NEB: variants seen among roughly 807,000 people sequenced by gnomAD.
The protein encoded by NEB is nebulin, also known as nemaline myopathy type 2.
NEB carries 512 observed loss-of-function variants against 952.2 expected under a neutral mutation model. The ratio of observed to expected loss-of-function variants is 0.54; its 90% CI spans 0.50 to 0.58. The LOEUF is 0.58. Ranked by LOEUF, NEB falls within the 20% of genes least tolerant of loss-of-function variation. NEB has a pLI of 0.00. For missense variants in NEB, 8,428 were observed against 9,231.1 expected (o/e 0.91, Z 3.56); for synonymous variants, 2,900 against 3,149.8 (o/e 0.92, Z 2.66).
At position 151,619,612 on chromosome 2, in the gene NEB, T is replaced by C. The variant is rs2098333661; in HGVS notation, c.10711A>G (p.Arg3571Gly). The C allele has an allele frequency of 1.9e-6, 3 of 1,613,984 alleles. No homozygotes were observed. The South Asian group carries it at 3.3e-5, about 18-fold the overall frequency. ...YKKDFEKYKT[R>G]YSSPVDMLGI... ...AGCATGTCCACTGGGCTGCTGTACC[T>C]TGTCTTGTATTTCTCAAAATCTTTC... Residue 3571 changes from arginine to glycine, a missense_variant, in exon 73 of 182, where the codon AGG (arginine) becomes GGG (glycine). By Grantham distance (125) the Arg-to-Gly change is moderately radical. Transcript: ENST00000397345.
intron 9 of NEB, among the ~76,000 whole-genome samples, chr2:151,720,416 T>C (rs2099771050): frequency 6.6e-6 from 1 of 152,210 alleles, no homozygotes; most frequent in African/African-American, 2.4e-5. Flanking sequence ...AATAGGCATG[T>C]CAATAATCTG....
At chr2:151,489,605 T>C (rs2054401592) in intron 181 of NEB, among the ~76,000 whole-genome samples, 1 of 152,072 alleles carries the variant, frequency 6.6e-6, no homozygotes, top group Non-Finnish European at 1.5e-5. Context: ...CTATGTTGCC[T>C]AGGCTGGTCT....
intron 108 of NEB, 26 bp downstream of exon 108, chr2:151,570,471 C>A (rs1313194178): frequency 6.4e-7 from 1 of 1,568,540 alleles, no homozygotes. Context: ...AAAAAAAAAA[C>A]TGAGAAGTTA....
intron 20 of NEB, among the ~76,000 whole-genome samples, chr2:151,693,010 T>C (rs1189894248): frequency 6.6e-6 from 1 of 152,120 alleles, no homozygotes; most frequent in African/African-American, 2.4e-5. Flanking sequence ...TAAGAATTGA[T>C]GCAAAATGAG....
intron 167 of NEB, among the ~76,000 whole-genome samples, chr2:151,502,545 GA>G (rs2065527288): frequency 6.6e-6 from 1 of 152,196 alleles, no homozygotes; most frequent in Non-Finnish European, 1.5e-5. Flanking sequence ...GTTATTAAAG[GA>G]GGAATGGAGG....
Position 151,530,414 on chromosome 2 carries a change from C to T in NEB, c.21630+580G>A, listed in dbSNP as rs74429765. ...CCTCGATCTGGGCTTTTTCATTAATCGTTGGGGAAGGATCCTAGGTTTTAA... is the reference window on the plus strand; with the variant it reads ...CCTCGATCTGGGCTTTTTCATTAATTGTTGGGGAAGGATCCTAGGTTTTAA... On this transcript the variant is annotated intron_variant, in intron 145 of 181. Coordinates refer to ENST00000397345, the MANE Select transcript of NEB (RefSeq NM_001164508.2). Among the ~76,000 whole-genome samples, 578 of 152,138 alleles carry T rather than the reference C, an allele frequency of 3.8e-3. 17 individuals are homozygous for T. In the East Asian group the frequency reaches 0.08, roughly 21 times the overall value.
intron 46 of NEB, among the ~76,000 whole-genome samples, chr2:151,661,810 G>A (rs2099152686): frequency 6.6e-6 from 1 of 152,090 alleles, no homozygotes; most frequent in African/African-American, 2.4e-5. Flanking sequence ...GCTACCATCA[G>A]GAAATCTGCT....
intron 13 of NEB, among the ~76,000 whole-genome samples, chr2:151,699,072 C>T (rs1270886850): frequency 1.4e-5 from 2 of 143,656 alleles, no homozygotes; most frequent in African/African-American, 5.2e-5. Context: ...TCCATGTGAT[C>T]TCATTGTTCA....
At position 151,724,301 on chromosome 2, in the gene NEB, C is replaced by G. The variant is rs35686968; in HGVS notation, c.571G>C (p.Glu191Gln). Residue 191 changes from glutamate to glutamine, a missense_variant, in exon 8 of 182, where the codon GAA becomes CAA. Physicochemically the swap from Glu to Gln is conservative, Grantham distance 29. Transcript: ENST00000397345. The part of the protein sequence containing the change: ...DKYLLPPDAP[E>Q]LVQAVKNTAM... ...GTGTTCTTAACGGCCTGGACAAGTT[C>G]AGGGGCATCAGGAGGAAGCAGGTAC... The G allele has an allele frequency of 0.023, 37,312 of 1,613,012 alleles. 553 individuals are homozygous for G. Among genetic ancestry groups the G allele is most frequent in the Non-Finnish European group, 0.028 (32,865 of 1,179,472 alleles).
rs1460070592 is a variant in NEB, at chr2:151,704,897, A to G, written c.1152+1984T>C. 3.3e-5 allele frequency among the ~76,000 whole-genome samples: 5 copies of G among 152,236 alleles called. No individual in the cohort carries two copies. The East Asian group carries it at 7.7e-4, about 24-fold the overall frequency. Reference sequence around the variant, plus strand: ...CCATCTTGGCTCCTCCCCAAACTCAAAAAATTAAGAAACCAATATGCCACC... The same window carrying G: ...CCATCTTGGCTCCTCCCCAAACTCAGAAAATTAAGAAACCAATATGCCACC... On this transcript the variant is annotated intron_variant, in intron 13 of 181. Transcript: ENST00000397345.
chr2:151,699,047 A>G, intron 13 of NEB, among the ~76,000 whole-genome samples: 3 of 136,890 alleles, frequency 2.2e-5, no homozygotes, highest in East Asian at 4.3e-4. Flanking sequence ...AGAGTGTGAT[A>G]TTCCCCTTCC....
intron 135 of NEB, among the ~76,000 whole-genome samples, chr2:151,545,652 A>G (rs1249577875): frequency 6.6e-6 from 1 of 152,156 alleles, no homozygotes; most frequent in Non-Finnish European, 1.5e-5. Context: ...AGACATAGGA[A>G]GAGCCAGTAT....
At chr2:151,731,402 C>G (rs528399612) in intron 3 of NEB, among the ~76,000 whole-genome samples, 4 of 152,210 alleles carry the variant, frequency 2.6e-5, no homozygotes, top group Non-Finnish European at 5.9e-5. Context: ...TCCAAGATCC[C>G]AAGGAGATAT....
At position 151,493,380 on chromosome 2, in the gene NEB, A is replaced by G. The variant is rs1057524338; in HGVS notation, c.24738T>C (p.Ala8246=). ...AGCTAATGTTTTCTTGGTTGCGCTT[A>G]GCTCTCTCCATCTCTGGAGTAACAG... is the stretch of plus-strand genomic sequence containing the variant. ...PTPVTPEMER[A]KRNQENISSV... is the part of the protein sequence containing the mutation. Residue 8246 remains alanine (A), a synonymous_variant, in exon 176 of 182, where the codon GCT becomes GCC. Coordinates refer to ENST00000397345, the MANE Select transcript of NEB (RefSeq NM_001164508.2). The G allele has an allele frequency of 9.3e-6, 15 of 1,612,058 alleles. No homozygotes were observed. The East Asian group carries it at 2.5e-4, about 26-fold the overall frequency.
chr2:151,549,455 G>A (rs1308795890), intron 130 of NEB, among the ~76,000 whole-genome samples, 181 bp downstream of exon 130: 1 of 152,220 alleles, frequency 6.6e-6, no homozygotes, highest in African/African-American at 2.4e-5. Flanking sequence ...CTGCTGAATT[G>A]CAGAAGGAAT....
chr2:151,576,325 C>G lies in NEB; in HGVS notation c.16734G>C (p.Leu5578Phe), dbSNP rs765883687. Residue 5578 changes from leucine (L) to phenylalanine (F), a missense_variant, in exon 106 of 182, where the codon TTG becomes TTC. Around this residue, in one of 11 missense-constraint regions of NEB, gnomAD observed 3,374 missense variants for 3,651.5 expected, o/e 0.92. Transcript: ENST00000397345. ...CTTGGGGCATCCAGCCAATGCCACGCAACCACTCCAAGTCAGCCTTGTAGA... is the reference window on the plus strand; with the variant it reads ...CTTGGGGCATCCAGCCAATGCCACGGAACCACTCCAAGTCAGCCTTGTAGA... ...DALYKADLEW[L>F]RGIGWMPQGS... The G allele has an allele frequency of 6.2e-7, 1 of 1,608,326 alleles. No individual in the cohort carries two copies. Among genetic ancestry groups the G allele is most frequent in the African/African-American group, 1.3e-5 (1 of 74,544 alleles).
rs1576909876 is a variant in NEB, at chr2:151,544,091, A to G, written c.20577+1797T>C. On this transcript the variant is annotated intron_variant, in intron 135 of 181. Coordinates refer to ENST00000397345, the MANE Select transcript of NEB (RefSeq NM_001164508.2). ...TTCTAAATTCAGGGGAGTGGCTTGG[A>G]TCAGCATTTTATCAAGCCTGGGTCA... Among the ~76,000 whole-genome samples, 2 of 152,120 alleles carry G rather than the reference A, an allele frequency of 1.3e-5. 1 individual carries two copies. The highest frequency in any genetic ancestry group is 4.1e-4 in the South Asian group (2 of 4,828).
intron 10 of NEB, among the ~76,000 whole-genome samples, chr2:151,711,364 T>C (rs532815235): frequency 2.2e-4 from 33 of 152,320 alleles, no homozygotes; most frequent in Non-Finnish European, 3.8e-4. Flanking sequence ...TAAAAATGTG[T>C]TAACAGACAT....
rs878924060 is a variant in NEB, at chr2:151,617,472, C to T, written c.11077-4G>A. 3.7e-6 allele frequency: 3 copies of T among 819,564 alleles called. No homozygotes were observed. The highest frequency in any genetic ancestry group is 3.4e-5 in the East Asian group (1 of 29,828). 50.8% of individuals were successfully genotyped at this position (819,564 alleles called of 1,614,324 possible). On this transcript the variant is annotated splice_polypyrimidine_tract_variant and splice_region_variant and intron_variant, in intron 74 of 181. Coordinates refer to ENST00000397345, the MANE Select transcript of NEB (RefSeq NM_001164508.2). ...CCCAGGCTTCAGTATATAAGCGCTA[C>T]AAAAAAAAAAAAAAAAGAGAGAGAG...
Sources: allele counts gnomAD v4.1 joint callset (sites outside exome capture counted in the v4.1 genomes callset), GRCh38; gene constraint gnomAD v4.1.1; regional missense constraint gnomAD v4.1.1; transcripts MANE v1.5; gene names NCBI Gene and HGNC (gene_info 2026-07-23, HGNC 2026-07-21).